ZNF804B: variants seen among roughly 807,000 people sequenced by gnomAD.
ZNF804B encodes the protein zinc finger 804B.
Under a neutral mutation model 101.4 loss-of-function variants are expected in ZNF804B, and 80 were observed. The ratio of observed to expected loss-of-function variants is 0.79; its 90% CI spans 0.66 to 0.95. The LOEUF (loss-of-function observed/expected upper bound fraction) is 0.95, where lower values mean the gene tolerates loss of function less well. Ranked by LOEUF, ZNF804B falls within the 40% of genes least tolerant of loss-of-function variation. The pLI is 0.00. For synonymous variants in ZNF804B, 622 were observed against 558.8 expected, an observed-to-expected ratio of 1.11 and a Z score of -1.59; for missense variants, 1,673 against 1,561.9, an observed-to-expected ratio of 1.07 and a Z score of -1.20.
At chr7:88,831,476 G>T (rs1381925097) in intron 1 of ZNF804B, among the ~76,000 whole-genome samples, 2 of 148,414 alleles carry the variant, frequency 1.3e-5, no homozygotes, top group African/African-American at 5.0e-5. Context: ...CTACTTTTCT[G>T]TTCATTTCCT....
intron 1 of ZNF804B, among the ~76,000 whole-genome samples, chr7:89,107,853 T>G (rs771980706): frequency 7.2e-5 from 11 of 152,148 alleles, no homozygotes; most frequent in South Asian, 4.1e-4. Flanking sequence ...GGGGGTATTC[T>G]CTGAATTTCC....
At chr7:88,794,839 T>G (rs1395379240) in intron 1 of ZNF804B, 1 of 1,613,678 alleles carries the variant, frequency 6.2e-7, no homozygotes, top group Non-Finnish European at 8.5e-7. Context: ...TTGTTTCTCT[T>G]CTTGAAAGTG....
intron 1 of ZNF804B, among the ~76,000 whole-genome samples, chr7:88,837,106 A>G (rs1054807701): frequency 3.3e-5 from 5 of 151,928 alleles, no homozygotes; most frequent in African/African-American, 4.8e-5. Context: ...CCAAAAAAGC[A>G]CTTGTCCAAT....
At chr7:89,268,121 C>T (rs1252160598) in intron 2 of ZNF804B, among the ~76,000 whole-genome samples, 1 of 152,112 alleles carries the variant, frequency 6.6e-6, no homozygotes. Flanking sequence ...TTATTAAAAA[C>T]AGCATTCTTA....
At chr7:88,849,739 T>G (rs961352268) in intron 1 of ZNF804B, among the ~76,000 whole-genome samples, 22 of 151,444 alleles carry the variant, frequency 1.5e-4, no homozygotes, top group African/African-American at 4.6e-4. Flanking sequence ...TTCTTAAAAT[T>G]TAAGCTTGTC....
intron 1 of ZNF804B, among the ~76,000 whole-genome samples, chr7:89,017,043 G>C (rs1400937733): frequency 3.9e-5 from 6 of 152,080 alleles, no homozygotes; most frequent in Non-Finnish European, 4.4e-5. Flanking sequence ...CCTTGAAGAG[G>C]TCCTTCACAT....
intron 2 of ZNF804B, among the ~76,000 whole-genome samples, chr7:89,320,674 A>C (rs1562944993): frequency 6.6e-6 from 1 of 152,168 alleles, no homozygotes; most frequent in African/African-American, 2.4e-5. Flanking sequence ...AGAAGCTCAG[A>C]GTATCCCTAA....
chr7:88,871,427 A>G (rs564755222), intron 1 of ZNF804B, among the ~76,000 whole-genome samples: 52 of 152,224 alleles, frequency 3.4e-4, no homozygotes, highest in African/African-American at 1.2e-3. Context: ...AAAAACCTGA[A>G]AATAGTAGAG....
At chr7:89,216,133 G>C (rs1415789217) in intron 1 of ZNF804B, among the ~76,000 whole-genome samples, 8 of 151,756 alleles carry the variant, frequency 5.3e-5, no homozygotes, top group Non-Finnish European at 1.0e-4. Flanking sequence ...GTGAAACCCC[G>C]TCTCTACTAA....
At chr7:89,183,891 C>T (rs778060200) in intron 1 of ZNF804B, among the ~76,000 whole-genome samples, 47 of 151,996 alleles carry the variant, frequency 3.1e-4, no homozygotes, top group Middle Eastern at 3.2e-3. Flanking sequence ...AAATGACAAG[C>T]GCTGGAAAAT....
chr7:88,927,159 G>A (rs568166972), intron 1 of ZNF804B, among the ~76,000 whole-genome samples: 54 of 152,192 alleles, frequency 3.5e-4, no homozygotes, highest in Non-Finnish European at 5.7e-4. Context: ...GCTGTATATG[G>A]TAAGTCACAG....
intron 1 of ZNF804B, among the ~76,000 whole-genome samples, chr7:88,931,120 G>A (rs924021944): frequency 3.3e-5 from 5 of 151,828 alleles, no homozygotes; most frequent in African/African-American, 1.2e-4. Context: ...TGACGTTCTT[G>A]CAAAAGTTGC....
At chr7:88,863,960 A>G (rs1791688421) in intron 1 of ZNF804B, among the ~76,000 whole-genome samples, 1 of 152,174 alleles carries the variant, frequency 6.6e-6, no homozygotes, top group African/African-American at 2.4e-5. Context: ...TTATTGTACA[A>G]AATCACACTT....
chr7:88,977,203 T>C (rs879241629), intron 1 of ZNF804B, among the ~76,000 whole-genome samples: 1 of 150,582 alleles, frequency 6.6e-6, no homozygotes, highest in Admixed American at 6.6e-5. Context: ...CTTTTTTTTT[T>C]GATGAGTCTC....
chr7:89,008,984 G>A (rs928713154), intron 1 of ZNF804B, among the ~76,000 whole-genome samples: 2 of 152,042 alleles, frequency 1.3e-5, no homozygotes, highest in East Asian at 1.9e-4. Flanking sequence ...GTGATACAGG[G>A]TCATATACCT....
intron 1 of ZNF804B, among the ~76,000 whole-genome samples, chr7:89,091,843 T>A (rs1323109929): frequency 6.6e-6 from 1 of 152,200 alleles, no homozygotes; most frequent in East Asian, 1.9e-4. Context: ...TCCATCAACA[T>A]GTGCCTATTC....
At chr7:89,044,902 G>A (rs530362994) in intron 1 of ZNF804B, among the ~76,000 whole-genome samples, 10 of 152,294 alleles carry the variant, frequency 6.6e-5, no homozygotes, top group Middle Eastern at 3.4e-3. Flanking sequence ...TAAGTAACAA[G>A]GAGCCGAATG....
intron 1 of ZNF804B, among the ~76,000 whole-genome samples, chr7:89,215,752 G>A (rs1347460547): frequency 3.3e-5 from 5 of 151,630 alleles, no homozygotes; most frequent in African/African-American, 1.2e-4. Flanking sequence ...GCGTGGCAGC[G>A]GGCTCCTGTA....
At chr7:89,190,384 G>T (rs781583780) in intron 1 of ZNF804B, among the ~76,000 whole-genome samples, 5 of 148,446 alleles carry the variant, frequency 3.4e-5, no homozygotes, top group African/African-American at 7.4e-5. Context: ...GGGGCCTGAA[G>T]ATATGACTGA....
Sources: gnomAD v4.1 joint callset for allele counts (sites outside exome capture counted in the v4.1 genomes callset) on GRCh38, gnomAD v4.1.1 for gene constraint, MANE v1.5 for transcripts, NCBI Gene and HGNC (gene_info 2026-07-23, HGNC 2026-07-21) for gene names.